PLCH2: variants seen among roughly 807,000 people sequenced by gnomAD.
PLCH2 encodes the protein 1-phosphatidylinositol 4,5-bisphosphate phosphodiesterase eta-2.
In PLCH2, 98 loss-of-function variants were observed where a neutral mutation model predicts 134.7. That is an observed-to-expected ratio of 0.73 (90% confidence interval 0.62 to 0.86). The LOEUF (loss-of-function observed/expected upper bound fraction) is 0.86, where lower values mean the gene tolerates loss of function less well. Among genes scored for constraint, PLCH2 ranks in the 40% least tolerant of loss-of-function variants. The pLI is 0.00. For missense variants in PLCH2, 1,994 were observed against 1,986.6 expected (o/e 1.00, Z -0.07); for synonymous variants, 974 against 827.5 (o/e 1.18, Z -3.04).
chr1:2,453,068 C>T (rs1640320515), intron 2 of PLCH2, among the ~76,000 whole-genome samples: 1 of 152,026 alleles, frequency 6.6e-6, no homozygotes, highest in Non-Finnish European at 1.5e-5. Flanking sequence ...GGCGCCCCCT[C>T]AGTGCTCTCA....
chr1:2,456,005 G>A lies in PLCH2; in HGVS notation c.116-22471G>A, dbSNP rs188126749. On this transcript the variant is annotated intron_variant, in intron 2 of 3. Transcript: ENST00000609981. Reference sequence around the variant, plus strand: ...CCATTCTCTGGTAGGAGCTCGGCAAGTGGTGCACTGTGGGTTATTTTGGGC... The same window carrying A: ...CCATTCTCTGGTAGGAGCTCGGCAAATGGTGCACTGTGGGTTATTTTGGGC... 1.6e-4 allele frequency among the ~76,000 whole-genome samples: 25 copies of A among 152,378 alleles called. No homozygotes were observed. In the South Asian group the frequency reaches 4.8e-3, roughly 29 times the overall value.
Position 2,503,998 on chromosome 1 carries a change from A to C in PLCH2, c.3036A>C (p.Pro1012=). The stretch of plus-strand genomic sequence containing the variant: ...AAACCATCGCTGAGGAGCCCGCCCC[A>C]GGCCCTGGTCCCCCGCCACCAGCGG... The part of the protein sequence containing the change: ...SLETIAEEPA[P]GPGPPPPAAV... Residue 1012 remains proline, a synonymous_variant, in exon 22 of 22, where the codon CCA becomes CCC. Coordinates refer to ENST00000378486, the MANE Select transcript of PLCH2 (RefSeq NM_014638.4). 7.0e-7 allele frequency: 1 copy of C among 1,421,508 alleles called. No individual in the cohort carries two copies. Among genetic ancestry groups the C allele is most frequent in the Non-Finnish European group, 9.3e-7 (1 of 1,073,466 alleles). 88.1% of individuals were successfully genotyped at this position (1,421,508 alleles called of 1,614,324 possible). A position where few individuals can be genotyped will look rare whatever the true frequency, so the allele number is the denominator to read the frequency against.
chr1:2,504,322 G>C lies in PLCH2; in HGVS notation c.3360G>C (p.Val1120=). Residue 1120 remains valine, a synonymous_variant, in exon 22 of 22, where the codon GTG becomes GTC. Coordinates refer to ENST00000378486, the MANE Select transcript of PLCH2 (RefSeq NM_014638.4). ...PLAAPFPAPA[V]YSDATGSDPL... ...CCGCTCCCTTTCCAGCTCCTGCCGTGTACTCCGATGCCACGGGCAGTGACC... is the reference window on the plus strand; with the variant it reads ...CCGCTCCCTTTCCAGCTCCTGCCGTCTACTCCGATGCCACGGGCAGTGACC... The C allele has an allele frequency of 1.2e-6, 2 of 1,609,248 alleles. No homozygotes were observed. The highest frequency in any genetic ancestry group is 1.7e-6 in the Non-Finnish European group (2 of 1,178,778).
Position 2,494,956 on chromosome 1 carries a change from G to A in PLCH2, c.1752+8G>A, listed in dbSNP as rs761525887. 18 of 1,570,952 alleles carry A rather than the reference G, an allele frequency of 1.1e-5. No homozygotes were observed. In the East Asian group the frequency reaches 1.4e-4, roughly 12 times the overall value. ...AGCTTCTCCAGGCGCAAGGTCCGGC[G>A]CAGCTCCCAGGCCAGGGTCCCGGTC... On this transcript the variant is annotated splice_region_variant and intron_variant, in intron 12 of 21. Transcript: ENST00000378486.
chr1:2,504,665 C>A lies in PLCH2; in HGVS notation c.3703C>A (p.Pro1235Thr). 2 of 1,612,554 alleles carry A rather than the reference C, an allele frequency of 1.2e-6. No homozygotes were observed. Among genetic ancestry groups the A allele is most frequent in the Non-Finnish European group, 1.7e-6 (2 of 1,179,746 alleles). The change falls in exon 22 of 22, where the codon CCT becomes ACT. Residue 1235 changes from proline to threonine, a missense_variant. Transcript: ENST00000378486. ...APRMAGLPFR[P>T]PWGCLSLVGV... ...AAGGATGGCTGGCCTCCCCTTCCGG[C>A]CTCCCTGGGGCTGCCTTTCCCTGGT... is the stretch of plus-strand genomic sequence containing the variant.
rs2477699 is a variant in PLCH2 at position 2,491,175 on chromosome 1, G to A, written c.1516-17G>A. On this transcript the variant is annotated splice_polypyrimidine_tract_variant and intron_variant, in intron 10 of 21. Transcript: ENST00000378486. ...GCTCGGGACAGATGCCAACAGGCCG[G>A]CCTCTGGCTCCTGCAGGCATCCACC... is the stretch of plus-strand genomic sequence containing the variant. The A allele has an allele frequency of 0.73, 1,172,137 of 1,605,552 alleles. 429,707 individuals are homozygous for A. The highest frequency in any genetic ancestry group is 0.94 in the East Asian group (42,014 of 44,656).
intron 21 of PLCH2, chr1:2,503,273 G>T (rs1643340371): frequency 1.8e-6 from 1 of 562,390 alleles, no homozygotes; most frequent in African/African-American, 1.9e-5. Context: ...GACCTGCATG[G>T]CCCCTGATGC....
Position 2,498,911 on chromosome 1 carries a change from C to G in PLCH2, c.2434+83C>G. 3.7e-6 allele frequency: 5 copies of G among 1,341,776 alleles called. No individual in the cohort carries two copies. Among genetic ancestry groups the G allele is most frequent in the Non-Finnish European group, 5.2e-6 (5 of 958,762 alleles). 83.1% of individuals were successfully genotyped at this position (1,341,776 alleles called of 1,614,324 possible). On this transcript the variant is annotated intron_variant, in intron 18 of 21. Transcript: ENST00000378486. The surrounding 1 kb of genome is among the most constrained non-coding windows in gnomAD (Gnocchi z 5.4). Reference sequence around the variant, plus strand: ...GGGGCTACCTGGTGTGCCCGGGTGCCCTGCCCAGGCCTCCCTCAGTGACAG... The same window carrying G: ...GGGGCTACCTGGTGTGCCCGGGTGCGCTGCCCAGGCCTCCCTCAGTGACAG...
Position 2,487,626 on chromosome 1 carries a change from G to A in PLCH2, c.1143G>A (p.Glu381=). 1 of 1,613,334 alleles carries A rather than the reference G, an allele frequency of 6.2e-7. No individual in the cohort carries two copies. The change falls in exon 8 of 22, where the codon GAG becomes GAA. Residue 381 remains glutamate (E), a synonymous_variant. Transcript: ENST00000378486. The part of the protein sequence containing the change: ...EVDCWDGPDG[E]PIVHHGYTLT... ...ACTGCTGGGATGGGCCCGACGGGGA[G>A]CCCATTGTGCACCATGGCTACACTC...
At chr1:2,417,070 G>C in the PLCH2 span, among the ~76,000 whole-genome samples, 2 of 152,184 alleles carry the variant, frequency 1.3e-5, no homozygotes, top group African/African-American at 4.8e-5. Flanking sequence ...GAGAGGCCAT[G>C]CCTGGTCCAA....
chr1:2,460,498 C>A (rs904022327), intron 2 of PLCH2, among the ~76,000 whole-genome samples: 3 of 152,270 alleles, frequency 2.0e-5, no homozygotes, highest in Admixed American at 6.5e-5. Flanking sequence ...CGTGTGGGCT[C>A]CCTCTGGCCT....
chr1:2,498,835 C>T lies in PLCH2; in HGVS notation c.2434+7C>T. On this transcript the variant is annotated splice_region_variant and intron_variant, in intron 18 of 21. Coordinates refer to ENST00000378486, the MANE Select transcript of PLCH2 (RefSeq NM_014638.4). This position sits in a 1 kb window ranked among gnomAD's most constrained non-coding sequence, Gnocchi z 5.4. ...CGCGTGGTGGACGACAACGGTGAGGCTGGGCCGTGGCTCCGTCACACCTGT... is the reference window on the plus strand; with the variant it reads ...CGCGTGGTGGACGACAACGGTGAGGTTGGGCCGTGGCTCCGTCACACCTGT... The T allele has an allele frequency of 6.2e-7, 1 of 1,601,812 alleles. No homozygotes were observed. The highest frequency in any genetic ancestry group is 8.5e-7 in the Non-Finnish European group (1 of 1,171,740).
At chr1:2,477,648 C>T (rs994769359) in intron 1 of PLCH2, among the ~76,000 whole-genome samples, 17 of 152,166 alleles carry the variant, frequency 1.1e-4, no homozygotes, top group Non-Finnish European at 2.2e-4. Context: ...GCCCCCTCTC[C>T]TGGGACAAGC....
intron 11 of PLCH2, chr1:2,493,632 A>G (rs559634325): frequency 3.9e-5 from 6 of 152,376 alleles, no homozygotes; most frequent in African/African-American, 1.2e-4. Flanking sequence ...GGGGCAGGGC[A>G]CACCTCTGGG....
intron 13 of PLCH2, 115 bp downstream of exon 13, chr1:2,495,685 C>A (rs888067640): frequency 1.2e-4 from 79 of 665,864 alleles, no homozygotes; most frequent in Non-Finnish European, 5.0e-6. Flanking sequence ...GGACCTACCC[C>A]CTTCTTGGCC....
At chr1:2,496,776 GC>G (rs1376039840) in intron 14 of PLCH2, 51 bp from the exon 15 acceptor site, 4 of 1,610,082 alleles carry the variant, frequency 2.5e-6, no homozygotes, top group Non-Finnish European at 3.4e-6. Flanking sequence ...GCTGCTGGGC[GC>G]CGGGCGAGGT....
In PLCH2 at chr1:2,478,342, G is replaced by A. The variant is rs964739600; in HGVS notation, c.125-134G>A. 1.4e-5 allele frequency: 15 copies of A among 1,103,722 alleles called. No individual in the cohort carries two copies. The Admixed American group carries it at 2.8e-4, about 21-fold the overall frequency. 68.4% of individuals were successfully genotyped at this position (1,103,722 alleles called of 1,614,324 possible). ...GGCGGTGTGGGCGGGGCCGGGCGAG[G>A]TGAGGAGTGGCCGTGCCTCCGCTGA... On this transcript the variant is annotated intron_variant, in intron 1 of 21. Transcript: ENST00000378486.
intron 11 of PLCH2, 130 bp from the exon 12 acceptor site, chr1:2,494,726 G>A: frequency 1.7e-6 from 1 of 590,220 alleles, no homozygotes; most frequent in Non-Finnish European, 3.2e-6. Context: ...CCTCCCGTCT[G>A]CCTTACTCCA....
At position 2,503,904 on chromosome 1, in the gene PLCH2, T is replaced by TCCCCCCCCCCC; in HGVS notation, c.2960-13_2960-12insCCCCCCCCCCC. The TCCCCCCCCCCC allele has an allele frequency of 2.9e-6, 2 of 694,070 alleles. No homozygotes were observed. Among genetic ancestry groups the TCCCCCCCCCCC allele is most frequent in the Non-Finnish European group, 5.1e-6 (2 of 391,102 alleles). The allele number at this position is 694,070 out of a possible 1,614,324, so 43.0% of individuals were successfully genotyped here. Reference sequence around the variant, plus strand: ...GCTTCTCCCTCTGGCTCTCTCTCACTCCCCCACCTCCCCACAGACACCCGC... The same window carrying TCCCCCCCCCCC: ...GCTTCTCCCTCTGGCTCTCTCTCACTCCCCCCCCCCCCCCCCACCTCCCCACAGACACCCGC... On this transcript the variant is annotated splice_polypyrimidine_tract_variant and intron_variant, in intron 21 of 21. Transcript: ENST00000378486.
Sources: gnomAD v4.1 joint callset for allele counts (sites outside exome capture counted in the v4.1 genomes callset) on GRCh38, gnomAD v4.1.1 for gene constraint, Gnocchi (gnomAD v3.1) non-coding constraint, MANE v1.5 for transcripts, NCBI Gene and HGNC (gene_info 2026-07-23, HGNC 2026-07-21) for gene names.